IQCH: variants seen among roughly 807,000 people sequenced by gnomAD.
The protein encoded by IQCH is IQ motif containing H, also known as IQ domain-containing protein H.
In IQCH, 98 loss-of-function variants were observed where a neutral mutation model predicts 117.0. The observed-to-expected ratio is 0.84, with a 90% confidence interval of 0.71 to 0.99. The LOEUF (loss-of-function observed/expected upper bound fraction) is 0.99, where lower values mean the gene tolerates loss of function less well. IQCH is among the 50% of genes least tolerant of loss of function. The pLI is 0.00. For synonymous variants in IQCH, 412 were observed against 448.2 expected (o/e 0.92, Z 1.02); for missense variants, 1,102 against 1,243.8 (o/e 0.89, Z 1.72).
At chr15:67,287,698 A>G (rs1163413818) in intron 4 of IQCH, among the ~76,000 whole-genome samples, 3 of 151,806 alleles carry the variant, frequency 2.0e-5, no homozygotes, top group African/African-American at 4.8e-5. Flanking sequence ...TCTTTTCAAA[A>G]CAATTTTTGT....
chr15:67,392,225 A>G (rs1001613183), intron 12 of IQCH, among the ~76,000 whole-genome samples: 2 of 152,178 alleles, frequency 1.3e-5, no homozygotes, highest in African/African-American at 4.8e-5. Flanking sequence ...TGAACTTACC[A>G]TGATTGCTGC....
chr15:67,403,851 G>A lies in IQCH; in HGVS notation c.2097+3546G>A, dbSNP rs193021981. On this transcript the variant is annotated intron_variant, in intron 14 of 20. Transcript: ENST00000335894. This position sits in a 1 kb window ranked among gnomAD's most constrained non-coding sequence, Gnocchi z 4.8. ...GGGACATTGGCTTAGTGGCAGTGAT[G>A]CTACTGGTGACACTGCTTTGCAAGA... is the stretch of plus-strand genomic sequence containing the variant. 5.9e-4 allele frequency: 90 copies of A among 152,272 alleles called. No homozygotes were observed. Among genetic ancestry groups the A allele is most frequent in the African/African-American group, 2.0e-3 (85 of 41,540 alleles). The allele number at this position is 152,272 out of a possible 1,614,324, so 9.4% of individuals were successfully genotyped here. A position where few individuals can be genotyped will look rare whatever the true frequency, so the allele number is the denominator to read the frequency against.
At position 67,279,270 on chromosome 15, in the gene IQCH, G is replaced by A. The variant is rs550768304; in HGVS notation, c.270-125G>A. 1.6e-4 allele frequency: 97 copies of A among 604,250 alleles called. No individual in the cohort carries two copies. The East Asian group carries it at 2.7e-3, about 17-fold the overall frequency. 37.4% of individuals were successfully genotyped at this position (604,250 alleles called of 1,614,324 possible). A position where few individuals can be genotyped will look rare whatever the true frequency, so the allele number is the denominator to read the frequency against. ...ATAATAAAGATTGGTTTAATTTATT[G>A]TAATTACCAATAGAATATTTCCTAT... On this transcript the variant is annotated intron_variant, in intron 3 of 20. Transcript: ENST00000335894.
In IQCH at chr15:67,445,595, C is replaced by A. The variant is rs1003604296; in HGVS notation, c.2506-19532C>A. Among the ~76,000 whole-genome samples the A allele has an allele frequency of 6.6e-6, 1 of 152,132 alleles. No individual in the cohort carries two copies. The highest frequency in any genetic ancestry group is 2.1e-4 in the South Asian group (1 of 4,826). On this transcript the variant is annotated intron_variant, in intron 16 of 20. Transcript: ENST00000335894. This position sits in a 1 kb window ranked among gnomAD's most constrained non-coding sequence, Gnocchi z 4.3. ...CTGGGGTTGCAGGTGTGTGCCACCACACCAGGCTAATTTTTATATTTTTAG... is the reference window on the plus strand; with the variant it reads ...CTGGGGTTGCAGGTGTGTGCCACCAAACCAGGCTAATTTTTATATTTTTAG...
chr15:67,268,264 A>G (rs1251114898), intron 3 of IQCH, among the ~76,000 whole-genome samples: 1 of 152,244 alleles, frequency 6.6e-6, no homozygotes, highest in Non-Finnish European at 1.5e-5. Flanking sequence ...ATGCCAGCAA[A>G]TGCAAGATTC....
In IQCH at chr15:67,369,172, C is replaced by T. The variant is rs1970434830; in HGVS notation, c.754-2939C>T. On this transcript the variant is annotated intron_variant, in intron 8 of 20. Coordinates refer to ENST00000335894, the MANE Select transcript of IQCH (RefSeq NM_001031715.3). This position sits in a 1 kb window ranked among gnomAD's most constrained non-coding sequence, Gnocchi z 5.2. ...TTTTTGTTTTGGATTTAGAATTTTG[C>T]CTAAATAACTGCTCCAGAAACTCTC... is the stretch of plus-strand genomic sequence containing the variant. 6.6e-6 allele frequency among the ~76,000 whole-genome samples: 1 copy of T among 152,150 alleles called. No individual in the cohort carries two copies. The highest frequency in any genetic ancestry group is 2.4e-5 in the African/African-American group (1 of 41,446).
intron 14 of IQCH, among the ~76,000 whole-genome samples, chr15:67,415,160 T>C (rs975282891): frequency 6.6e-6 from 1 of 152,138 alleles, no homozygotes; most frequent in Non-Finnish European, 1.5e-5. Flanking sequence ...GCATTTCACA[T>C]GCTTGTTTAT....
chr15:67,286,649 G>T (rs35524716), intron 4 of IQCH, among the ~76,000 whole-genome samples: 3 of 150,738 alleles, frequency 2.0e-5, no homozygotes, highest in South Asian at 2.1e-4. Context: ...TCGTTCTGTC[G>T]CCCAGGCTGG....
chr15:67,465,240 C>G lies in IQCH; in HGVS notation c.2619C>G (p.Pro873=), dbSNP rs547498957. The part of the protein sequence containing the change: ...LDCSLSTLEV[P]RFVPKERKKT... ...GCAGTTTGAGCACCCTGGAAGTGCCCCGCTTTGTTCCAAAGGAAAGGAAGA... is the reference window on the plus strand; with the variant it reads ...GCAGTTTGAGCACCCTGGAAGTGCCGCGCTTTGTTCCAAAGGAAAGGAAGA... Residue 873 remains proline, a synonymous_variant, in exon 17 of 21, where the codon CCC becomes CCG. Transcript: ENST00000335894. This position sits in a 1 kb window ranked among gnomAD's most constrained non-coding sequence, Gnocchi z 5.9. The G allele has an allele frequency of 6.2e-7, 1 of 1,613,996 alleles. No homozygotes were observed. Among genetic ancestry groups the G allele is most frequent in the African/African-American group, 1.3e-5 (1 of 74,974 alleles).
At chr15:67,323,985 C>T (rs1309995931) in intron 4 of IQCH, among the ~76,000 whole-genome samples, 1 of 146,450 alleles carries the variant, frequency 6.8e-6, no homozygotes. Flanking sequence ...GCTCTGTTAC[C>T]CCGGCTGGAA....
At chr15:67,450,526 T>C in intron 16 of IQCH, among the ~76,000 whole-genome samples, 1 of 152,210 alleles carries the variant, frequency 6.6e-6, no homozygotes, top group Non-Finnish European at 1.5e-5. Flanking sequence ...GGATTGCATT[T>C]ATTGATTTGC....
At chr15:67,255,121 A>G (rs1965093041) in intron 1 of IQCH, 174 bp downstream of exon 1, 1 of 649,382 alleles carries the variant, frequency 1.5e-6, no homozygotes, top group Non-Finnish European at 2.8e-6. Flanking sequence ...GGCCCAGCAC[A>G]CTCCCGGTGA....
intron 4 of IQCH, among the ~76,000 whole-genome samples, chr15:67,325,790 C>T (rs990147375): frequency 7.9e-5 from 12 of 151,842 alleles, no homozygotes; most frequent in African/African-American, 2.9e-4. Context: ...TTATAATTTT[C>T]ATTTGATGCT....
intron 6 of IQCH, among the ~76,000 whole-genome samples, chr15:67,357,092 CTT>C (rs1336492986): frequency 1.3e-5 from 2 of 152,218 alleles, no homozygotes; most frequent in Non-Finnish European, 2.9e-5. Context: ...TAAAATTTGC[CTT>C]TTTATCTAGG....
In IQCH at chr15:67,355,735, G is replaced by A. The variant is rs113448132; in HGVS notation, c.638-1610G>A. Among the ~76,000 whole-genome samples, 4 of 152,256 alleles carry A rather than the reference G, an allele frequency of 2.6e-5. 1 individual carries two copies. The highest frequency in any genetic ancestry group is 7.2e-5 in the African/African-American group (3 of 41,550). On this transcript the variant is annotated intron_variant, in intron 6 of 20. Coordinates refer to ENST00000335894, the MANE Select transcript of IQCH (RefSeq NM_001031715.3). ...GAAATTGAGTAGCAAAATAGGCAGT[G>A]CATTAGGATACGGTTTTGTAAAAAT...
intron 16 of IQCH, among the ~76,000 whole-genome samples, chr15:67,435,883 A>AG (rs2082125624): frequency 6.6e-6 from 1 of 151,904 alleles, no homozygotes; most frequent in Non-Finnish European, 1.5e-5. Flanking sequence ...AAAAAAAAAA[A>AG]GTCTATTCAG....
rs527887360 is a variant in IQCH at position 67,348,598 on chromosome 15, C to G, written c.637+4407C>G. Among the ~76,000 whole-genome samples, 40 of 152,212 alleles carry G rather than the reference C, an allele frequency of 2.6e-4. 2 individuals are homozygous for G. The South Asian group carries it at 8.3e-3, about 32-fold the overall frequency. On this transcript the variant is annotated intron_variant, in intron 6 of 20. Transcript: ENST00000335894. ...TATGGATGCTGGATGCTATAAAACA[C>G]TAATGAAAAAATTAAAAGAAGACCT...
At chr15:67,280,708 A>G (rs936055447) in intron 4 of IQCH, among the ~76,000 whole-genome samples, 27 of 152,112 alleles carry the variant, frequency 1.8e-4, no homozygotes, top group African/African-American at 6.3e-4. Flanking sequence ...GCGGGGCACA[A>G]ACATTCAGTC....
chr15:67,345,216 C>T (rs561228796), intron 6 of IQCH, among the ~76,000 whole-genome samples: 5 of 152,280 alleles, frequency 3.3e-5, no homozygotes, highest in Admixed American at 1.3e-4. Context: ...GTCTCAAACT[C>T]CTGACCTCAG....
Sources: allele counts gnomAD v4.1 joint callset (sites outside exome capture counted in the v4.1 genomes callset), GRCh38; gene constraint gnomAD v4.1.1; non-coding constraint Gnocchi (gnomAD v3.1); transcripts MANE v1.5; gene names NCBI Gene and HGNC (gene_info 2026-07-23, HGNC 2026-07-21).